Variants in RAB8A observed in about 807,000 individuals in gnomAD.
The protein encoded by RAB8A is ras-related protein Rab-8A.
A neutral mutation model predicts 29.2 loss-of-function variants in RAB8A; 5 were observed. The ratio of observed to expected loss-of-function variants is 0.17; its 90% CI spans 0.09 to 0.36. The LOEUF is 0.36. Among genes scored for constraint, RAB8A ranks in the 10% least tolerant of loss-of-function variants. The probability of loss-of-function intolerance (pLI) is 1.00; values close to 1 mark genes in which losing one functional copy is unlikely to be tolerated. For synonymous variants in RAB8A, 108 were observed against 99.9 expected, an observed-to-expected ratio of 1.08 and a Z score of -0.49; for missense variants, 171 against 272.2, an observed-to-expected ratio of 0.63 and a Z score of 2.62.
intron 7 of RAB8A, among the ~76,000 whole-genome samples, chr19:16,130,559 C>T (rs2090920549): frequency 1.3e-5 from 2 of 152,206 alleles, no homozygotes; most frequent in Non-Finnish European, 2.9e-5. Context: ...AACCAGTGCA[C>T]TGACCAACAA....
intron 1 of RAB8A, among the ~76,000 whole-genome samples, chr19:16,116,090 G>A (rs991584161): frequency 4.6e-5 from 7 of 152,232 alleles, no homozygotes; most frequent in Non-Finnish European, 1.5e-5. Context: ...AACTGATGAG[G>A]ATGGTCAGAA....
At chr19:16,126,280 C>T (rs970010928) in intron 4 of RAB8A, 1 of 156,250 alleles carries the variant, frequency 6.4e-6, no homozygotes, top group Non-Finnish European at 1.4e-5. Flanking sequence ...ACTGGGCTCA[C>T]CTCCCCAGTG....
intron 3 of RAB8A, chr19:16,123,540 G>A (rs890669379): frequency 2.0e-5 from 3 of 152,252 alleles, no homozygotes; most frequent in Admixed American, 2.0e-4. Flanking sequence ...CTGGGAGCCG[G>A]AGGTTGCGGT....
chr19:16,128,434 A>C (rs2090911232), intron 6 of RAB8A, among the ~76,000 whole-genome samples: 1 of 151,830 alleles, frequency 6.6e-6, no homozygotes, highest in Non-Finnish European at 1.5e-5. Flanking sequence ...CACACCACTC[A>C]CCCTGGAGAG....
chr19:16,121,884 C>G, intron 3 of RAB8A, 74 bp downstream of exon 3: 1 of 1,426,330 alleles, frequency 7.0e-7, no homozygotes, highest in Non-Finnish European at 9.9e-7. Context: ...CATTGGTTAC[C>G]GAAGCCTAGA....
chr19:16,127,954 G>A lies in RAB8A; in HGVS notation c.415-72G>A, dbSNP rs769811200. On this transcript the variant is annotated intron_variant, in intron 5 of 7. Transcript: ENST00000300935. The surrounding 1 kb of genome is among the most constrained non-coding windows in gnomAD (Gnocchi z 4.8). The stretch of plus-strand genomic sequence containing the variant: ...CCTCTTGGCGCCGGCCCTGCCTTCA[G>A]CTCCTGTTTTAGGCAAGCTCAGATG... 1 of 1,521,508 alleles carries A rather than the reference G, an allele frequency of 6.6e-7. No individual in the cohort carries two copies. Among genetic ancestry groups the A allele is most frequent in the South Asian group, 1.1e-5 (1 of 89,070 alleles). 94.3% of individuals were successfully genotyped at this position (1,521,508 alleles called of 1,614,324 possible). A position where few individuals can be genotyped will look rare whatever the true frequency, so the allele number is the denominator to read the frequency against.
Position 16,127,599 on chromosome 19 carries a change from C to T in RAB8A, c.414+73C>T, listed in dbSNP as rs2090907733. The T allele has an allele frequency of 8.3e-7, 1 of 1,208,646 alleles. No individual in the cohort carries two copies. The highest frequency in any genetic ancestry group is 1.1e-6 in the Non-Finnish European group (1 of 885,592). 74.9% of individuals were successfully genotyped at this position (1,208,646 alleles called of 1,614,324 possible). ...CTTGTGCAGAGGCCTTCCCCTGTCCCTCCTCTGCCCCAGGGGCCTGAGACG... is the reference window on the plus strand; with the variant it reads ...CTTGTGCAGAGGCCTTCCCCTGTCCTTCCTCTGCCCCAGGGGCCTGAGACG... On this transcript the variant is annotated intron_variant, in intron 5 of 7. Transcript: ENST00000300935. The surrounding 1 kb of genome is among the most constrained non-coding windows in gnomAD (Gnocchi z 4.8).
chr19:16,124,942 A>G (rs548317373), intron 3 of RAB8A: 20 of 187,154 alleles, frequency 1.1e-4, no homozygotes, highest in Middle Eastern at 2.6e-3. Context: ...CCATCTTCAC[A>G]CAGCCGGTTC....
At chr19:16,129,393 G>A (rs2090915631) in intron 6 of RAB8A, among the ~76,000 whole-genome samples, 161 bp from the exon 7 acceptor site, 1 of 152,176 alleles carries the variant, frequency 6.6e-6, no homozygotes, top group African/African-American at 2.4e-5. Flanking sequence ...GGATGAGCTG[G>A]GGCCGGACAG....
chr19:16,113,147 C>T (rs552574690), intron 1 of RAB8A, among the ~76,000 whole-genome samples: 61 of 152,320 alleles, frequency 4.0e-4, no homozygotes, highest in African/African-American at 1.2e-3. Flanking sequence ...AAAAGCAGTC[C>T]TGGCCCACAA....
chr19:16,130,503 TAGC>T (rs1463997307), intron 7 of RAB8A, among the ~76,000 whole-genome samples: 2 of 152,218 alleles, frequency 1.3e-5, no homozygotes, highest in Admixed American at 6.5e-5. Context: ...ATTGATTTAA[TAGC>T]AGCTCTTTGG....
Position 16,132,242 on chromosome 19 carries a change from G to A in RAB8A, c.562G>A (p.Gly188Arg). 6.2e-7 allele frequency: 1 copy of A among 1,614,110 alleles called. No individual in the cohort carries two copies. The change falls in exon 8 of 8, where the codon GGA becomes AGA. Residue 188 changes from glycine (G) to arginine (R), a missense_variant. By Grantham distance (125) the Gly-to-Arg change is moderately radical. Around this residue, in one of 3 missense-constraint regions of RAB8A, gnomAD observed 145 missense variants for 212.8 expected, o/e 0.68. Coordinates refer to ENST00000300935, the MANE Select transcript of RAB8A (RefSeq NM_005370.5). This position sits in a 1 kb window ranked among gnomAD's most constrained non-coding sequence, Gnocchi z 5.6. ...EGNSPQGSNQ[G>R]VKITPDQQKR... ...CAACAGCCCCCAGGGGAGCAACCAG[G>A]GAGTCAAAATCACACCGGACCAGCA...
Position 16,133,306 on chromosome 19 carries a change from G to A in RAB8A, c.*1002G>A, listed in dbSNP as rs1344529016. The A allele has an allele frequency of 1.3e-5, 2 of 152,200 alleles. No individual in the cohort carries two copies. Among genetic ancestry groups the A allele is most frequent in the African/African-American group, 2.4e-5 (1 of 41,424 alleles). 9.4% of individuals were successfully genotyped at this position (152,200 alleles called of 1,614,324 possible). Reference sequence around the variant, plus strand: ...GCCAAGACACAAGGCATTCCACGGCGGCAAGCTGACCGCACAGCAGTCTGG... The same window carrying A: ...GCCAAGACACAAGGCATTCCACGGCAGCAAGCTGACCGCACAGCAGTCTGG... On this transcript the variant is annotated 3_prime_UTR_variant, in exon 8 of 8. Transcript: ENST00000300935.
rs574106166 is a variant in RAB8A at position 16,125,155 on chromosome 19, C to T, written c.247-315C>T. ...CTCCCACCGTCAGGCTGCACCACCC[C>T]GTGGGCCATGAGGGGAGCCAGCCGG... On this transcript the variant is annotated intron_variant, in intron 3 of 7. Transcript: ENST00000300935. The surrounding 1 kb of genome is among the most constrained non-coding windows in gnomAD (Gnocchi z 5.0). The T allele has an allele frequency of 2.6e-5, 12 of 464,426 alleles. No individual in the cohort carries two copies. The highest frequency in any genetic ancestry group is 9.1e-5 in the South Asian group (4 of 43,998). 28.8% of individuals were successfully genotyped at this position (464,426 alleles called of 1,614,324 possible).
chr19:16,118,593 A>G (rs2090857547), intron 2 of RAB8A, among the ~76,000 whole-genome samples: 2 of 152,188 alleles, frequency 1.3e-5, no homozygotes, highest in Admixed American at 6.5e-5. Flanking sequence ...CTTCTGTTGA[A>G]CGGGAAGAGA....
chr19:16,130,880 A>G (rs901262419), intron 7 of RAB8A, among the ~76,000 whole-genome samples: 19 of 151,990 alleles, frequency 1.3e-4, no homozygotes, highest in Non-Finnish European at 2.5e-4. Context: ...CTAGAGTGCA[A>G]TGGTGCAATC....
In RAB8A at chr19:16,121,864, C is replaced by T. The variant is rs368435063; in HGVS notation, c.246+54C>T. Reference sequence around the variant, plus strand: ...TCTGCTTTTTAAGTCAACATGGGAGCGTCACTGTGCATTGGTTACCGAAGC... The same window carrying T: ...TCTGCTTTTTAAGTCAACATGGGAGTGTCACTGTGCATTGGTTACCGAAGC... On this transcript the variant is annotated intron_variant, in intron 3 of 7. Coordinates refer to ENST00000300935, the MANE Select transcript of RAB8A (RefSeq NM_005370.5). The T allele has an allele frequency of 7.3e-6, 11 of 1,512,132 alleles. No individual in the cohort carries two copies. In the Admixed American group the frequency reaches 1.0e-4, roughly 14 times the overall value. The allele number at this position is 1,512,132 out of a possible 1,614,324, so 93.7% of individuals were successfully genotyped here. A position where few individuals can be genotyped will look rare whatever the true frequency, so the allele number is the denominator to read the frequency against.
intron 1 of RAB8A, among the ~76,000 whole-genome samples, chr19:16,114,118 A>G (rs1419008442): frequency 6.6e-6 from 1 of 151,790 alleles, no homozygotes. Flanking sequence ...AATAAAATAA[A>G]ATCAGCCGGG....
chr19:16,129,623 G>A lies in RAB8A; in HGVS notation c.531+19G>A, dbSNP rs374145293. On this transcript the variant is annotated intron_variant, in intron 7 of 7. Coordinates refer to ENST00000300935, the MANE Select transcript of RAB8A (RefSeq NM_005370.5). ...AAAATTGGTGAGTGTGTGTCCTTCC[G>A]AGATCCCCGGGTGGATCTCTGGGAT... 38 of 1,612,406 alleles carry A rather than the reference G, an allele frequency of 2.4e-5. No individual in the cohort carries two copies. The highest frequency in any genetic ancestry group is 1.7e-4 in the Middle Eastern group (1 of 6,056).
Sources: gnomAD v4.1 joint callset for allele counts (sites outside exome capture counted in the v4.1 genomes callset) on GRCh38, gnomAD v4.1.1 for gene constraint, gnomAD v4.1.1 regional missense constraint, Gnocchi (gnomAD v3.1) non-coding constraint, MANE v1.5 for transcripts, NCBI Gene and HGNC (gene_info 2026-07-23, HGNC 2026-07-21) for gene names.